Variants in EDA observed in about 807,000 individuals in gnomAD.
EDA encodes ectodysplasin-A.
In EDA, 2 loss-of-function variants were observed where a neutral mutation model predicts 23.6. The observed-to-expected ratio is 0.08, with a 90% CI of 0.03 to 0.27. EDA has a LOEUF of 0.27. Ranked by LOEUF, EDA falls within the 10% of genes least tolerant of loss-of-function variation. The pLI, the probability that EDA is intolerant of heterozygous loss-of-function variation, is 1.00. For synonymous variants in EDA, 131 were observed against 132.0 expected (o/e 0.99, Z 0.05); for missense variants, 229 against 324.2 (o/e 0.71, Z 2.26).
At chrX:69,888,703 C>A (rs1296970371) in intron 1 of EDA, among the ~76,000 whole-genome samples, 5 of 106,226 alleles carry the variant, frequency 4.7e-5, no homozygotes, top group African/African-American at 1.7e-4. Flanking sequence ...AGAGACAAAG[C>A]AGGTAATTAT....
intron 2 of EDA, among the ~76,000 whole-genome samples, chrX:69,967,050 A>G (rs1201841549): frequency 9.1e-6 from 1 of 110,182 alleles, no homozygotes; most frequent in African/African-American, 3.3e-5. Context: ...CTTGGGTGGA[A>G]GAGGGTTGGA....
At chrX:70,021,238 T>A (rs1366906912) in intron 2 of EDA, among the ~76,000 whole-genome samples, 3 of 112,007 alleles carry the variant, frequency 2.7e-5, no homozygotes, top group African/African-American at 9.7e-5. Context: ...ATACACATAC[T>A]CTGTAAGGAC....
intron 1 of EDA, among the ~76,000 whole-genome samples, chrX:69,920,688 T>C (rs1421238651): frequency 9.2e-6 from 1 of 109,251 alleles, no homozygotes; most frequent in East Asian, 2.8e-4. Context: ...GGGAAGCTGA[T>C]TGAAAAAAAA....
chrX:69,911,245 T>C (rs2018262753), intron 1 of EDA, among the ~76,000 whole-genome samples: 2 of 111,957 alleles, frequency 1.8e-5, no homozygotes, highest in Admixed American at 1.9e-4. Flanking sequence ...AGTTCAAGTG[T>C]TAGCCAGCGA....
At chrX:69,744,089 A>G (rs1489840112) in intron 1 of EDA, among the ~76,000 whole-genome samples, 1 of 111,451 alleles carries the variant, frequency 9.0e-6, no homozygotes, top group Non-Finnish European at 1.9e-5. Flanking sequence ...CCTTCCCTGT[A>G]TGATGTTCTC....
chrX:69,781,880 A>C (rs2014954879), intron 1 of EDA, among the ~76,000 whole-genome samples: 1 of 111,180 alleles, frequency 9.0e-6, no homozygotes, highest in Admixed American at 9.7e-5. Context: ...ATAGTATCAA[A>C]ATGATAAATA....
At chrX:69,847,453 C>T (rs1244803916) in intron 1 of EDA, among the ~76,000 whole-genome samples, 2 of 111,170 alleles carry the variant, frequency 1.8e-5, no homozygotes, top group Non-Finnish European at 3.8e-5. Context: ...TTCATACTAC[C>T]TATATGTGGT....
intron 1 of EDA, among the ~76,000 whole-genome samples, chrX:69,793,788 G>C (rs2015478006): frequency 9.1e-6 from 1 of 110,158 alleles, no homozygotes. Context: ...CCATACTCTA[G>C]CTGAAAAAGA....
At chrX:69,906,550 G>A (rs1037677709) in intron 1 of EDA, among the ~76,000 whole-genome samples, 14 of 112,195 alleles carry the variant, frequency 1.2e-4, no homozygotes, top group African/African-American at 3.6e-4. Context: ...TCTGCCATTC[G>A]AATTGGATTT....
chrX:69,710,517 A>G (rs1388353211), intron 1 of EDA, among the ~76,000 whole-genome samples: 2 of 111,014 alleles, frequency 1.8e-5, no homozygotes, highest in Admixed American at 9.5e-5. Context: ...GTTTTTTCCA[A>G]TTCTGTGAAG....
At chrX:69,959,235 C>G (rs991925226) in intron 2 of EDA, among the ~76,000 whole-genome samples, 3 of 112,016 alleles carry the variant, frequency 2.7e-5, no homozygotes, top group Non-Finnish European at 5.6e-5. Context: ...AGACTCTAGT[C>G]TCTTGGTGCC....
intron 1 of EDA, among the ~76,000 whole-genome samples, chrX:69,796,926 T>A (rs2015558609): frequency 9.1e-6 from 1 of 110,147 alleles, no homozygotes; most frequent in South Asian, 3.8e-4. Context: ...CTTGATGAGA[T>A]ACAAAACATA....
chrX:69,673,264 G>A (rs769348444), intron 1 of EDA, among the ~76,000 whole-genome samples: 53 of 111,879 alleles, frequency 4.7e-4, no homozygotes, highest in African/African-American at 1.5e-3. Flanking sequence ...AGGAAGAAGG[G>A]TCAGTAAACT....
At chrX:69,690,809 G>C (rs1408419960) in intron 1 of EDA, among the ~76,000 whole-genome samples, 1 of 111,715 alleles carries the variant, frequency 9.0e-6, no homozygotes, top group Non-Finnish European at 1.9e-5. Flanking sequence ...TCAATCACTT[G>C]TTTTAGGTCT....
intron 1 of EDA, among the ~76,000 whole-genome samples, chrX:69,694,327 T>C (rs780570759): frequency 7.1e-5 from 8 of 112,461 alleles, no homozygotes; most frequent in Non-Finnish European, 1.1e-4. Context: ...TTATTTTAAA[T>C]TGCATATCTT....
At chrX:69,799,212 A>G (rs1352729010) in intron 1 of EDA, among the ~76,000 whole-genome samples, 4 of 111,775 alleles carry the variant, frequency 3.6e-5, no homozygotes, top group Non-Finnish European at 5.6e-5. Context: ...CTTAAATCTA[A>G]GACCTCAAAC....
chrX:69,653,913 C>A (rs1487711644), intron 1 of EDA, among the ~76,000 whole-genome samples: 6 of 111,680 alleles, frequency 5.4e-5, no homozygotes, highest in African/African-American at 2.0e-4. Context: ...GTCTAAAACA[C>A]CTGAAGCAAT....
chrX:69,953,242 A>G (rs1433456149), intron 1 of EDA, among the ~76,000 whole-genome samples: 1 of 112,610 alleles, frequency 8.9e-6, no homozygotes, highest in African/African-American at 3.2e-5. Context: ...GGACTGGAAA[A>G]GATGTTACAG....
At chrX:69,657,250 T>C (rs746186350) in intron 1 of EDA, among the ~76,000 whole-genome samples, 5 of 112,342 alleles carry the variant, frequency 4.5e-5, no homozygotes, top group Non-Finnish European at 9.4e-5. Flanking sequence ...TGGTGATTAG[T>C]GATGTTGAGC....
Sources: allele counts gnomAD v4.1 joint callset (sites outside exome capture counted in the v4.1 genomes callset), GRCh38; gene constraint gnomAD v4.1.1; transcripts MANE v1.5; gene names NCBI Gene and HGNC (gene_info 2026-07-23, HGNC 2026-07-21).